TRPC7: variants seen among roughly 807,000 people sequenced by gnomAD.
TRPC7 encodes the protein transient receptor potential cation channel subfamily C member 7.
A neutral mutation model predicts 90.1 loss-of-function variants in TRPC7; 42 were observed. The observed-to-expected ratio is 0.47, with a 90% confidence interval of 0.36 to 0.60. TRPC7 has a LOEUF of 0.60. TRPC7 is among the 20% of genes least tolerant of loss of function. The pLI, the probability that TRPC7 is intolerant of heterozygous loss-of-function variation, is 0.00. For missense variants in TRPC7, 955 were observed against 1,112.3 expected, an observed-to-expected ratio of 0.86 and a Z score of 2.01; for synonymous variants, 451 against 436.3, an observed-to-expected ratio of 1.03 and a Z score of -0.42.
chr5:136,354,372 C>T (rs977752696), intron 2 of TRPC7, among the ~76,000 whole-genome samples: 3 of 152,160 alleles, frequency 2.0e-5, no homozygotes, highest in Admixed American at 1.3e-4. Flanking sequence ...AGAGAAGTGG[C>T]TTCAATTTAG....
chr5:136,231,124 C>T (rs1171231889), intron 8 of TRPC7, among the ~76,000 whole-genome samples: 1 of 152,122 alleles, frequency 6.6e-6, no homozygotes, highest in Non-Finnish European at 1.5e-5. Flanking sequence ...CTCATGACCC[C>T]AGTTCTTTCT....
intron 2 of TRPC7, among the ~76,000 whole-genome samples, chr5:136,352,585 C>A (rs1190153995): frequency 2.6e-5 from 4 of 152,040 alleles, no homozygotes; most frequent in Non-Finnish European, 5.9e-5. Context: ...TTTTTCCTGG[C>A]TACTCTAGGT....
intron 5 of TRPC7, among the ~76,000 whole-genome samples, chr5:136,264,528 T>G (rs938730399): frequency 6.6e-6 from 1 of 152,062 alleles, no homozygotes; most frequent in African/African-American, 2.4e-5. Context: ...TTAATGTCCC[T>G]TCCCAACTTT....
At position 136,320,158 on chromosome 5, in the gene TRPC7, C is replaced by CAA. The variant is rs57669749; in HGVS notation, c.781-4381_781-4380dup. On this transcript the variant is annotated intron_variant, in intron 2 of 11. Coordinates refer to ENST00000513104, the MANE Select transcript of TRPC7 (RefSeq NM_020389.3). Reference sequence around the variant, plus strand: ...TCCCTATTCTTTCAGTTGTCCTAGACAAAAAAAAAAAATCTTGAATTTATC... The same window carrying CAA: ...TCCCTATTCTTTCAGTTGTCCTAGACAAAAAAAAAAAAAATCTTGAATTTATC... Among the ~76,000 whole-genome samples, 362 of 142,840 alleles carry CAA rather than the reference C, an allele frequency of 2.5e-3. 2 individuals are homozygous for CAA. Among genetic ancestry groups the CAA allele is most frequent in the African/African-American group, 8.5e-3 (337 of 39,814 alleles). 93.7% of individuals were successfully genotyped at this position (142,840 alleles called of 152,430 possible). A position where few individuals can be genotyped will look rare whatever the true frequency, so the allele number is the denominator to read the frequency against.
rs146294984 is a variant in TRPC7, at chr5:136,320,653, C to T, written c.781-4874G>A. Among the ~76,000 whole-genome samples the T allele has an allele frequency of 5.8e-4, 88 of 152,294 alleles. 1 individual carries two copies. Among genetic ancestry groups the T allele is most frequent in the African/African-American group, 2.1e-3 (86 of 41,580 alleles). On this transcript the variant is annotated intron_variant, in intron 2 of 11. Coordinates refer to ENST00000513104, the MANE Select transcript of TRPC7 (RefSeq NM_020389.3). ...ATCCTCCAGCCTCCCCATTTTCTCC[C>T]TGGTTTTATTTACTGGGGGTCTCCC...
intron 3 of TRPC7, among the ~76,000 whole-genome samples, chr5:136,293,528 C>A (rs1758040978): frequency 6.6e-6 from 1 of 152,140 alleles, no homozygotes; most frequent in African/African-American, 2.4e-5. Flanking sequence ...CATGAGTGAA[C>A]TCCCATTCAC....
intron 2 of TRPC7, among the ~76,000 whole-genome samples, chr5:136,346,503 G>A (rs1303586507): frequency 1.3e-5 from 2 of 151,944 alleles, no homozygotes; most frequent in African/African-American, 2.4e-5. Context: ...ACACACATAT[G>A]TACACATACG....
intron 2 of TRPC7, among the ~76,000 whole-genome samples, chr5:136,353,017 A>G (rs1365375344): frequency 6.6e-6 from 1 of 152,210 alleles, no homozygotes; most frequent in Non-Finnish European, 1.5e-5. Context: ...CCCTTCATCA[A>G]GTATTTCCGG....
intron 10 of TRPC7, among the ~76,000 whole-genome samples, chr5:136,221,031 G>A (rs1334246159): frequency 6.6e-6 from 1 of 151,834 alleles, no homozygotes; most frequent in Non-Finnish European, 1.5e-5. Context: ...TATAGATATA[G>A]AAAATAGATA....
chr5:136,355,539 C>A (rs773530246), intron 2 of TRPC7, among the ~76,000 whole-genome samples: 23 of 152,200 alleles, frequency 1.5e-4, no homozygotes, highest in Non-Finnish European at 3.2e-4. Context: ...TGGCTCACGC[C>A]TATAATCTCA....
intron 2 of TRPC7, among the ~76,000 whole-genome samples, chr5:136,329,679 C>T (rs537535537): frequency 5.3e-5 from 8 of 152,210 alleles, no homozygotes; most frequent in South Asian, 2.1e-4. Context: ...TGGTCATATG[C>T]GTAAGTTATG....
chr5:136,325,289 G>C (rs1580956988), intron 2 of TRPC7, among the ~76,000 whole-genome samples: 2 of 152,220 alleles, frequency 1.3e-5, no homozygotes, highest in African/African-American at 4.8e-5. Context: ...AGAGCTAAGA[G>C]AGCAGAACAG....
At chr5:136,268,326 T>A (rs1757102951) in intron 4 of TRPC7, among the ~76,000 whole-genome samples, 1 of 149,596 alleles carries the variant, frequency 6.7e-6, no homozygotes, top group South Asian at 2.1e-4. Context: ...GGAGAATAGA[T>A]GAGGAGAGGG....
At chr5:136,328,426 T>G (rs932427497) in intron 2 of TRPC7, among the ~76,000 whole-genome samples, 1 of 152,240 alleles carries the variant, frequency 6.6e-6, no homozygotes, top group East Asian at 1.9e-4. Flanking sequence ...CGCTGTGTCC[T>G]AAGTGTTTCA....
At chr5:136,316,902 G>A (rs1759042375) in intron 2 of TRPC7, among the ~76,000 whole-genome samples, 1 of 152,212 alleles carries the variant, frequency 6.6e-6, no homozygotes, top group Non-Finnish European at 1.5e-5. Flanking sequence ...GACTGTGGTT[G>A]TGCTTTTCCA....
In TRPC7 at chr5:136,359,032, TCAAA is replaced by T. The variant is rs570731707; in HGVS notation, c.3-1651_3-1648del. Reference sequence around the variant, plus strand: ...TCACTTTAGCCATTTTTAAAAATAGTCAAACAAAAATGATCACAGAGAAAGGCTT... The same window carrying T: ...TCACTTTAGCCATTTTTAAAAATAGTCAAAAATGATCACAGAGAAAGGCTT... On this transcript the variant is annotated intron_variant, in intron 1 of 11. Coordinates refer to ENST00000513104, the MANE Select transcript of TRPC7 (RefSeq NM_020389.3). Among the ~76,000 whole-genome samples, 189 of 152,316 alleles carry T rather than the reference TCAAA, an allele frequency of 1.2e-3. 2 individuals are homozygous for T. Among genetic ancestry groups the T allele is most frequent in the Non-Finnish European group, 2.2e-3 (150 of 68,024 alleles).
intron 8 of TRPC7, 95 bp from the exon 9 acceptor site, chr5:136,226,350 A>T: frequency 1.2e-6 from 1 of 865,108 alleles, no homozygotes; most frequent in South Asian, 1.7e-5. Flanking sequence ...CAACATTCGG[A>T]AAGCAGACTT....
chr5:136,250,787 A>T (rs1185857879), intron 6 of TRPC7, among the ~76,000 whole-genome samples: 1 of 152,030 alleles, frequency 6.6e-6, no homozygotes, highest in East Asian at 1.9e-4. Flanking sequence ...AGTAAACAAG[A>T]TCTCACAGTA....
At chr5:136,355,711 T>A (rs1561731939) in intron 2 of TRPC7, among the ~76,000 whole-genome samples, 2 of 152,082 alleles carry the variant, frequency 1.3e-5, no homozygotes, top group African/African-American at 2.4e-5. Flanking sequence ...GGCAGGAGAA[T>A]GGCATGAACC....
Sources: gnomAD v4.1 joint callset for allele counts (sites outside exome capture counted in the v4.1 genomes callset) on GRCh38, gnomAD v4.1.1 for gene constraint, MANE v1.5 for transcripts, NCBI Gene and HGNC (gene_info 2026-07-23, HGNC 2026-07-21) for gene names.